The following SLC28A3 variants were observed in gnomAD, a reference collection of about 807,000 sequenced individuals.
SLC28A3 encodes concentrative Na(+)-nucleoside cotransporter 3.
In SLC28A3, 68 loss-of-function variants were observed where a neutral mutation model predicts 84.2. The ratio of observed to expected loss-of-function variants is 0.81; its 90% CI spans 0.66 to 0.99. SLC28A3 has a LOEUF of 0.99. Ranked by LOEUF, SLC28A3 falls within the 50% of genes least tolerant of loss-of-function variation. SLC28A3 has a pLI of 0.00. For missense variants in SLC28A3, 712 were observed against 841.5 expected (o/e 0.85, Z 1.90); for synonymous variants, 267 against 303.6 (o/e 0.88, Z 1.25).
At chr9:84,364,279 C>A in the SLC28A3 span, among the ~76,000 whole-genome samples, 2 of 152,026 alleles carry the variant, frequency 1.3e-5, no homozygotes, top group South Asian at 4.1e-4. Flanking sequence ...ACCCTTGATG[C>A]CCGGCTAATT....
chr9:84,368,711 G>A, the SLC28A3 span, among the ~76,000 whole-genome samples: 1 of 151,996 alleles, frequency 6.6e-6, no homozygotes, highest in African/African-American at 2.4e-5. Context: ...CAAGAGGAAG[G>A]AAGGAGTGTC....
chr9:84,311,780 C>T (rs894009392), intron 2 of SLC28A3, among the ~76,000 whole-genome samples: 9 of 152,134 alleles, frequency 5.9e-5, no homozygotes, highest in Non-Finnish European at 8.8e-5. Flanking sequence ...CACCTGAACC[C>T]GGGAGGTGGA....
chr9:84,305,217 A>AAT, intron 4 of SLC28A3, 37 bp downstream of exon 4: 2 of 1,515,402 alleles, frequency 1.3e-6, no homozygotes, highest in Non-Finnish European at 1.8e-6. Flanking sequence ...AAAAAAAAAA[A>AAT]AAGACAGTGG....
chr9:84,324,486 A>C (rs889143974), intron 1 of SLC28A3, among the ~76,000 whole-genome samples: 3 of 152,088 alleles, frequency 2.0e-5, no homozygotes, highest in African/African-American at 7.2e-5. Context: ...TCTACTAAAA[A>C]TACAAAAATT....
chr9:84,308,364 G>A (rs947978719), intron 3 of SLC28A3, among the ~76,000 whole-genome samples: 10 of 152,216 alleles, frequency 6.6e-5, no homozygotes, highest in Admixed American at 6.5e-4. Flanking sequence ...TGGCCAACAT[G>A]GTGAAACCCT....
At chr9:84,338,924 C>G (rs1827067792) in intron 1 of SLC28A3, among the ~76,000 whole-genome samples, 1 of 152,136 alleles carries the variant, frequency 6.6e-6, no homozygotes, top group South Asian at 2.1e-4. Flanking sequence ...CATCCCCCAT[C>G]TTCCTAAAAG....
chr9:84,291,192 A>G (rs6559779), intron 10 of SLC28A3, among the ~76,000 whole-genome samples: 37,162 of 152,124 alleles, frequency 0.24, 7,714 homozygotes, highest in African/African-American at 0.55. Flanking sequence ...CTCTTACCCC[A>G]CAGGTAGGAG....
chr9:84,335,985 T>C (rs1161532505), intron 1 of SLC28A3, among the ~76,000 whole-genome samples: 1 of 151,782 alleles, frequency 6.6e-6, no homozygotes, highest in Non-Finnish European at 1.5e-5. Context: ...ATTATGACAG[T>C]AACTTCCCAA....
intron 17 of SLC28A3, 143 bp from the exon 18 acceptor site, chr9:84,278,487 G>T: frequency 9.6e-7 from 1 of 1,037,642 alleles, no homozygotes; most frequent in Non-Finnish European, 1.3e-6. Flanking sequence ...AAAGGACAGA[G>T]ACACTGGGGA....
chr9:84,313,583 G>A (rs1450662100), intron 1 of SLC28A3, 129 bp from the exon 2 acceptor site: 11 of 673,912 alleles, frequency 1.6e-5, no homozygotes, highest in East Asian at 2.8e-5. Context: ...TGAAGCATCC[G>A]ATTCAACAAA....
At chr9:84,307,367 G>T (rs1331293870) in intron 3 of SLC28A3, among the ~76,000 whole-genome samples, 1 of 148,596 alleles carries the variant, frequency 6.7e-6, no homozygotes, top group Non-Finnish European at 1.5e-5. Context: ...GGAGGCGGAG[G>T]TTGCAGTGAG....
chr9:84,348,524 A>G, the SLC28A3 span, among the ~76,000 whole-genome samples: 1 of 152,210 alleles, frequency 6.6e-6, no homozygotes, highest in Non-Finnish European at 1.5e-5. Context: ...TGGGTCTGTC[A>G]TGAGGATAAA....
Position 84,294,228 on chromosome 9 carries a change from G to A in SLC28A3, c.909C>T (p.Tyr303=), listed in dbSNP as rs1340161526. The change falls in exon 9 of 18, where the codon TAC becomes TAT. Residue 303 remains tyrosine (Y), a synonymous_variant. Transcript: ENST00000376238. ...TAATCCACTGCATCAGTCCCAGGTA[G>A]TACAGCATGGACATCACAGTGCTGA... is the stretch of plus-strand genomic sequence containing the variant. ...VFFSTVMSML[Y]YLGLMQWIIR... is the part of the protein sequence containing the mutation. The A allele has an allele frequency of 6.2e-6, 10 of 1,613,982 alleles. No homozygotes were observed. The highest frequency in any genetic ancestry group is 5.3e-5 in the African/African-American group (4 of 74,920).
Position 84,285,860 on chromosome 9 carries a change from G to T in SLC28A3, c.1449+83C>A, listed in dbSNP as rs1293741861. The stretch of plus-strand genomic sequence containing the variant: ...TGTGGAAGAGTCTACTGAGGTTAGG[G>T]TGGGCTGTTTACAAACCTATTTTAT... On this transcript the variant is annotated intron_variant, in intron 13 of 17. Transcript: ENST00000376238. 10 of 1,448,274 alleles carry T rather than the reference G, an allele frequency of 6.9e-6. No individual in the cohort carries two copies. In the East Asian group the frequency reaches 2.5e-4, roughly 36 times the overall value. The allele number at this position is 1,448,274 out of a possible 1,614,324, so 89.7% of individuals were successfully genotyped here.
chr9:84,349,181 G>A, the SLC28A3 span, among the ~76,000 whole-genome samples: 27 of 152,308 alleles, frequency 1.8e-4, no homozygotes, highest in Non-Finnish European at 2.4e-4. Flanking sequence ...GCAATGTTTT[G>A]GGGGCAGAAA....
intron 11 of SLC28A3, 65 bp from the exon 12 acceptor site, chr9:84,288,243 T>C: frequency 1.2e-6 from 2 of 1,602,560 alleles, no homozygotes; most frequent in Non-Finnish European, 1.7e-6. Flanking sequence ...AGAGGAAGGG[T>C]CCAAGAGCTC....
At chr9:84,323,333 A>T (rs1391257995) in intron 1 of SLC28A3, among the ~76,000 whole-genome samples, 1 of 152,198 alleles carries the variant, frequency 6.6e-6, no homozygotes, top group Non-Finnish European at 1.5e-5. Context: ...AGTTGCCTAA[A>T]TGGTGGGCCT....
At chr9:84,334,268 T>C (rs745494414) in intron 1 of SLC28A3, among the ~76,000 whole-genome samples, 6 of 152,118 alleles carry the variant, frequency 3.9e-5, no homozygotes, top group Non-Finnish European at 8.8e-5. Context: ...CACTGCACTC[T>C]AGCCTGGGCA....
the SLC28A3 span, among the ~76,000 whole-genome samples, chr9:84,352,488 G>A: frequency 6.6e-6 from 1 of 152,002 alleles, no homozygotes; most frequent in East Asian, 1.9e-4. Context: ...CAGCCAAAAT[G>A]TTGCTATTTC....
Sources: gnomAD v4.1 joint callset for allele counts (sites outside exome capture counted in the v4.1 genomes callset) on GRCh38, gnomAD v4.1.1 for gene constraint, MANE v1.5 for transcripts, NCBI Gene and HGNC (gene_info 2026-07-23, HGNC 2026-07-21) for gene names.